MTO1: variants seen among roughly 807,000 people sequenced by gnomAD.
MTO1 encodes the protein mitochondrial tRNA translation optimization 1.
In MTO1, 46 loss-of-function variants were observed where a neutral mutation model predicts 71.6. The ratio of observed to expected loss-of-function variants is 0.64; its 90% confidence interval spans 0.51 to 0.82. The LOEUF is 0.82. Ranked by LOEUF, MTO1 falls within the 40% of genes least tolerant of loss-of-function variation. The probability of loss-of-function intolerance (pLI) is 0.00; values close to 1 mark genes in which losing one functional copy is unlikely to be tolerated. For missense variants in MTO1, 773 were observed against 867.5 expected (o/e 0.89, Z 1.37); for synonymous variants, 297 against 312.1 (o/e 0.95, Z 0.51).
chr6:73,487,629 G>A (rs1771693667), intron 9 of MTO1: 1 of 147,728 alleles, frequency 6.8e-6, no homozygotes, highest in South Asian at 2.1e-4. Flanking sequence ...CTGGAGTGCA[G>A]TGGCTTTTCA....
At chr6:73,493,739 A>G (rs1408377071) in intron 10 of MTO1, among the ~76,000 whole-genome samples, 1 of 151,538 alleles carries the variant, frequency 6.6e-6, no homozygotes, top group Non-Finnish European at 1.5e-5. Context: ...CTTTCTTTTT[A>G]TACTCTCCCC....
Position 73,480,131 on chromosome 6 carries a change from A to G in MTO1, c.1129+5A>G, listed in dbSNP as rs79490435. ...AAGCTAAAGTGATTCAGCCAGGTAA[A>G]GAAGATCACAAGTGCCCTTCAGTAT... On this transcript the variant is annotated splice_donor_5th_base_variant and intron_variant, in intron 6 of 11. Transcript: ENST00000498286. The G allele has an allele frequency of 3.1e-6, 5 of 1,613,380 alleles. No homozygotes were observed. The South Asian group carries it at 5.5e-5, about 18-fold the overall frequency.
chr6:73,466,024 A>T (rs959322053), intron 1 of MTO1, among the ~76,000 whole-genome samples, 185 bp from the exon 2 acceptor site: 6 of 152,152 alleles, frequency 3.9e-5, no homozygotes, highest in African/African-American at 1.4e-4. Context: ...TTTGTCATCC[A>T]GGTTGCCCTG....
Position 73,480,707 on chromosome 6 carries a change from C to T in MTO1, c.1162C>T (p.Arg388Cys), listed in dbSNP as rs539835237. The T allele has an allele frequency of 9.9e-6, 16 of 1,613,880 alleles. No homozygotes were observed. The highest frequency in any genetic ancestry group is 1.7e-4 in the Middle Eastern group (1 of 6,060). The change falls in exon 7 of 12, where the codon CGT (arginine) becomes TGT (cysteine). Residue 388 changes from arginine to cysteine, a missense_variant. By Grantham distance (180) the Arg-to-Cys change is radical (BLOSUM62 -3). Coordinates refer to ENST00000498286, the MANE Select transcript of MTO1 (RefSeq NM_012123.4). ...TGTTCAGTATGATTACTTAGATCCC[C>T]GTCAGATCACCCCTTCCTTGGAGAC... ...YGVQYDYLDP[R>C]QITPSLETHL...
intron 4 of MTO1, among the ~76,000 whole-genome samples, chr6:73,477,555 G>A (rs1771361862): frequency 1.4e-5 from 2 of 147,570 alleles, no homozygotes; most frequent in Admixed American, 1.4e-4. Flanking sequence ...TGCCCAGGCT[G>A]GAGTGCAGTG....
At chr6:73,476,701 A>T (rs777876663) in intron 4 of MTO1, among the ~76,000 whole-genome samples, 1 of 152,016 alleles carries the variant, frequency 6.6e-6, no homozygotes, top group African/African-American at 2.4e-5. Flanking sequence ...CCTTAAGCCT[A>T]TATCTCAACT....
rs1007220934 is a variant in MTO1, at chr6:73,502,457, A to G, written c.*1722A>G. 6.8e-6 allele frequency: 1 copy of G among 147,268 alleles called. No individual in the cohort carries two copies. The highest frequency in any genetic ancestry group is 2.7e-5 in the African/African-American group (1 of 37,372). 9.1% of individuals were successfully genotyped at this position (147,268 alleles called of 1,614,324 possible). ...AGACTGTTTCAAAAAAAAGAAAAAG[A>G]AAAGAAGGTATTTTGTGTTTTTGTG... On this transcript the variant is annotated 3_prime_UTR_variant, in exon 12 of 12. Coordinates refer to ENST00000498286, the MANE Select transcript of MTO1 (RefSeq NM_012123.4).
chr6:73,466,500 G>A lies in MTO1; in HGVS notation c.429G>A (p.Leu143=), dbSNP rs763318672. Residue 143 remains leucine (L), a synonymous_variant, in exon 3 of 12, where the codon TTG becomes TTA. Coordinates refer to ENST00000498286, the MANE Select transcript of MTO1 (RefSeq NM_012123.4). ...LYKQNMQKEI[L]NTPLLTVQEG... ...TTTTCTTTTGACAGAAAGAAATCTT[G>A]AATACACCACTGCTTACTGTTCAGG... 1.3e-4 allele frequency: 203 copies of A among 1,613,982 alleles called. No homozygotes were observed. The highest frequency in any genetic ancestry group is 1.7e-4 in the Non-Finnish European group (196 of 1,179,996).
chr6:73,488,013 G>C (rs535494993), intron 9 of MTO1: 1 of 152,272 alleles, frequency 6.6e-6, no homozygotes, highest in South Asian at 2.1e-4. Context: ...TTTTTTGATA[G>C]TAGCCATCCT....
intron 4 of MTO1, 143 bp downstream of exon 4, chr6:73,473,797 T>C: frequency 2.6e-6 from 2 of 766,398 alleles, no homozygotes; most frequent in Non-Finnish European, 4.0e-6. Flanking sequence ...TTTTTTTTTT[T>C]TTTTTTTGAG....
In MTO1 at chr6:73,482,436, C is replaced by A; in HGVS notation, c.1466-13C>A. 1 of 1,600,938 alleles carries A rather than the reference C, an allele frequency of 6.2e-7. No individual in the cohort carries two copies. The highest frequency in any genetic ancestry group is 8.5e-7 in the Non-Finnish European group (1 of 1,175,548). On this transcript the variant is annotated splice_polypyrimidine_tract_variant and intron_variant, in intron 8 of 11. Coordinates refer to ENST00000498286, the MANE Select transcript of MTO1 (RefSeq NM_012123.4). ...CCACACTTCTCATTATATTCTCTTT[C>A]TCCCTTCCCTAGGGTATAAAGACGC...
At chr6:73,481,996 G>A (rs936199870) in intron 7 of MTO1, 44 bp from the exon 8 acceptor site, 12 of 1,605,942 alleles carry the variant, frequency 7.5e-6, no homozygotes, top group Non-Finnish European at 9.4e-6. Context: ...ATAGCCGTTT[G>A]TTTAGTTCAT....
rs1248543256 is a variant in MTO1, at chr6:73,480,143, G to C, written c.1129+17G>C. 6.2e-7 allele frequency: 1 copy of C among 1,611,086 alleles called. No individual in the cohort carries two copies. Among genetic ancestry groups the C allele is most frequent in the Admixed American group, 1.7e-5 (1 of 59,904 alleles). On this transcript the variant is annotated intron_variant, in intron 6 of 11. Coordinates refer to ENST00000498286, the MANE Select transcript of MTO1 (RefSeq NM_012123.4). The stretch of plus-strand genomic sequence containing the variant: ...TTCAGCCAGGTAAAGAAGATCACAA[G>C]TGCCCTTCAGTATAAGGTCAGCATT...
rs1187017825 is a variant in MTO1 at position 73,508,632 on chromosome 6, C to T, written c.*7897C>T. 1 of 152,144 alleles carries T rather than the reference C, an allele frequency of 6.6e-6. No individual in the cohort carries two copies. The highest frequency in any genetic ancestry group is 1.5e-5 in the Non-Finnish European group (1 of 68,036). The allele number at this position is 152,144 out of a possible 1,614,324, so 9.4% of individuals were successfully genotyped here. A position where few individuals can be genotyped will look rare whatever the true frequency, so the allele number is the denominator to read the frequency against. ...GGTATTATAGCTCTGAAGAAAAATA[C>T]TGATGAGCAGTTATACAAAATGAGA... On this transcript the variant is annotated 3_prime_UTR_variant, in exon 12 of 12. Transcript: ENST00000498286.
chr6:73,462,564 A>G (rs1031635046), intron 1 of MTO1, among the ~76,000 whole-genome samples: 1 of 152,022 alleles, frequency 6.6e-6, no homozygotes, highest in African/African-American at 2.4e-5. Flanking sequence ...CCCCGTCTCT[A>G]CTAAAAATAC....
rs1288301786 is a variant in MTO1, at chr6:73,505,380, A to C, written c.*4645A>C. On this transcript the variant is annotated 3_prime_UTR_variant, in exon 12 of 12. Coordinates refer to ENST00000498286, the MANE Select transcript of MTO1 (RefSeq NM_012123.4). ...AGCATGGATAAACCTTGAAAAAGTTATGCTAACTGAAATCAGCCAGTCACA... is the reference window on the plus strand; with the variant it reads ...AGCATGGATAAACCTTGAAAAAGTTCTGCTAACTGAAATCAGCCAGTCACA... 6.6e-6 allele frequency: 1 copy of C among 152,288 alleles called. No individual in the cohort carries two copies. Among genetic ancestry groups the C allele is most frequent in the Non-Finnish European group, 1.5e-5 (1 of 68,070 alleles). 9.4% of individuals were successfully genotyped at this position (152,288 alleles called of 1,614,324 possible). A position where few individuals can be genotyped will look rare whatever the true frequency, so the allele number is the denominator to read the frequency against.
At chr6:73,497,244 C>T (rs1379647955) in intron 10 of MTO1, among the ~76,000 whole-genome samples, 1 of 136,074 alleles carries the variant, frequency 7.3e-6, no homozygotes, top group Non-Finnish European at 1.5e-5. Flanking sequence ...CCTCCACCTC[C>T]GGGGTTCAAG....
intron 10 of MTO1, among the ~76,000 whole-genome samples, chr6:73,494,897 A>C (rs1385976434): frequency 4.6e-5 from 7 of 151,010 alleles, no homozygotes; most frequent in Non-Finnish European, 1.0e-4. Context: ...CTCCTGCCTC[A>C]GCCTCTCAGG....
Position 73,508,504 on chromosome 6 carries a change from G to A in MTO1, c.*7769G>A, listed in dbSNP as rs1412264355. On this transcript the variant is annotated 3_prime_UTR_variant, in exon 12 of 12. Coordinates refer to ENST00000498286, the MANE Select transcript of MTO1 (RefSeq NM_012123.4). ...GACACAAGACCAGACTGTGCTATGTGTATGTGGTGTTTCAAGTAATTTAAG... is the reference window on the plus strand; with the variant it reads ...GACACAAGACCAGACTGTGCTATGTATATGTGGTGTTTCAAGTAATTTAAG... 1 of 152,160 alleles carries A rather than the reference G, an allele frequency of 6.6e-6. No individual in the cohort carries two copies. The highest frequency in any genetic ancestry group is 1.9e-4 in the East Asian group (1 of 5,202). 9.4% of individuals were successfully genotyped at this position (152,160 alleles called of 1,614,324 possible).
Sources: allele counts gnomAD v4.1 joint callset (sites outside exome capture counted in the v4.1 genomes callset), GRCh38; gene constraint gnomAD v4.1.1; transcripts MANE v1.5; gene names NCBI Gene and HGNC (gene_info 2026-07-23, HGNC 2026-07-21).